NALCN: variants seen among roughly 807,000 people sequenced by gnomAD.
The protein encoded by NALCN is sodium leak channel NALCN.
NALCN carries 111 observed loss-of-function variants against 225.3 expected under a neutral mutation model. The ratio of observed to expected loss-of-function variants is 0.49; its 90% CI spans 0.42 to 0.58. The LOEUF (loss-of-function observed/expected upper bound fraction) is 0.58. NALCN is among the 20% of genes least tolerant of loss of function. The pLI, the probability that NALCN is intolerant of heterozygous loss-of-function variation, is 0.00. For missense variants in NALCN, 1,378 were observed against 2,202.4 expected (o/e 0.63, Z 7.49); for synonymous variants, 764 against 769.0 (o/e 0.99, Z 0.11).
intron 18 of NALCN, among the ~76,000 whole-genome samples, chr13:101,118,348 C>G (rs896245790): frequency 6.6e-6 from 1 of 152,086 alleles, no homozygotes; most frequent in Non-Finnish European, 1.5e-5. Context: ...TAACTAAAAA[C>G]AATCTATAAA....
chr13:101,361,031 C>A (rs555031680), intron 6 of NALCN, among the ~76,000 whole-genome samples: 2 of 152,256 alleles, frequency 1.3e-5, no homozygotes, highest in South Asian at 2.1e-4. Context: ...TCTAACCTGG[C>A]CAATTCTGAG....
rs984052440 is a variant in NALCN, at chr13:101,089,398, G to T, written c.3489+265C>A. ...TGCTGCCCATCTTTCTTTTCAATTT[G>T]AACAATAGGAGACGCGCCTCTCAGT... is the stretch of plus-strand genomic sequence containing the variant. On this transcript the variant is annotated intron_variant, in intron 30 of 43. Coordinates refer to ENST00000251127, the MANE Select transcript of NALCN (RefSeq NM_052867.4). The surrounding 1 kb of genome is among the most constrained non-coding windows in gnomAD (Gnocchi z 4.7). Among the ~76,000 whole-genome samples, 2 of 152,042 alleles carry T rather than the reference G, an allele frequency of 1.3e-5. No homozygotes were observed. Among genetic ancestry groups the T allele is most frequent in the Non-Finnish European group, 2.9e-5 (2 of 68,012 alleles).
chr13:101,305,647 CAAAGCTT>C (rs1244396929), intron 7 of NALCN, among the ~76,000 whole-genome samples: 1 of 152,184 alleles, frequency 6.6e-6, no homozygotes. Context: ...CCTTTTATCT[CAAAGCTT>C]TAATTTTAGG....
intron 13 of NALCN, among the ~76,000 whole-genome samples, chr13:101,193,518 A>AT (rs891705644): frequency 5.3e-5 from 8 of 152,138 alleles, no homozygotes; most frequent in African/African-American, 1.9e-4. Context: ...CAAAGTAATT[A>AT]TTTTTACCTT....
chr13:101,332,907 C>G (rs191685357), intron 7 of NALCN, among the ~76,000 whole-genome samples: 1 of 152,212 alleles, frequency 6.6e-6, no homozygotes, highest in African/African-American at 2.4e-5. Flanking sequence ...TGCCTGCATC[C>G]AGCACATGGC....
chr13:101,223,717 C>A (rs1018673615), intron 13 of NALCN, among the ~76,000 whole-genome samples: 5 of 152,138 alleles, frequency 3.3e-5, no homozygotes, highest in Admixed American at 1.3e-4. Context: ...TGCCTTTAGC[C>A]CTTCTAAAAA....
Position 101,192,060 on chromosome 13 carries a change from A to T in NALCN, c.1627-6T>A. ...TGGAACATGGACATAAATGCCTAAGAGGAAAAGAACAAAGGTATTACACAC... is the reference window on the plus strand; with the variant it reads ...TGGAACATGGACATAAATGCCTAAGTGGAAAAGAACAAAGGTATTACACAC... On this transcript the variant is annotated splice_region_variant and splice_polypyrimidine_tract_variant and intron_variant, in intron 13 of 43. Transcript: ENST00000251127. The T allele has an allele frequency of 6.3e-7, 1 of 1,593,992 alleles. No homozygotes were observed. Among genetic ancestry groups the T allele is most frequent in the Non-Finnish European group, 8.5e-7 (1 of 1,174,914 alleles).
intron 6 of NALCN, among the ~76,000 whole-genome samples, chr13:101,376,394 G>A (rs1412481700): frequency 1.3e-5 from 2 of 152,096 alleles, no homozygotes; most frequent in East Asian, 3.9e-4. Context: ...GTGCACGCCT[G>A]TAGTCCCAGC....
At chr13:101,324,393 T>C (rs925790692) in intron 7 of NALCN, among the ~76,000 whole-genome samples, 2 of 152,244 alleles carry the variant, frequency 1.3e-5, no homozygotes, top group Non-Finnish European at 2.9e-5. Flanking sequence ...TTTATCAGAT[T>C]ACACAATAAA....
intron 10 of NALCN, among the ~76,000 whole-genome samples, chr13:101,276,027 G>A (rs1274966507): frequency 7.8e-6 from 1 of 128,276 alleles, no homozygotes; most frequent in Non-Finnish European, 1.6e-5. Flanking sequence ...TCGCACCAAT[G>A]CACTCCAGCC....
At chr13:101,100,092 T>C (rs998791800) in intron 27 of NALCN, among the ~76,000 whole-genome samples, 5 of 152,082 alleles carry the variant, frequency 3.3e-5, no homozygotes, top group African/African-American at 4.8e-5. Flanking sequence ...GAGGTCCTTG[T>C]TGGTTGTCAT....
chr13:101,065,003 G>A (rs2032252576), intron 40 of NALCN, among the ~76,000 whole-genome samples: 1 of 152,200 alleles, frequency 6.6e-6, no homozygotes, highest in African/African-American at 2.4e-5. Context: ...CAAGTGAGGT[G>A]CTCTGCATGT....
At chr13:101,401,954 A>G (rs1007785115) in intron 1 of NALCN, among the ~76,000 whole-genome samples, 3 of 152,208 alleles carry the variant, frequency 2.0e-5, no homozygotes, top group Non-Finnish European at 4.4e-5. Context: ...GAGGTGGTTG[A>G]TTGTAATAAT....
chr13:101,192,504 A>G (rs545714550), intron 13 of NALCN, among the ~76,000 whole-genome samples: 154 of 152,246 alleles, frequency 1.0e-3, no homozygotes, highest in Non-Finnish European at 1.9e-3. Context: ...CCTTTCTATC[A>G]TATTATTTTA....
chr13:101,208,499 G>C (rs2040405901), intron 13 of NALCN, among the ~76,000 whole-genome samples: 3 of 152,200 alleles, frequency 2.0e-5, no homozygotes, highest in South Asian at 2.1e-4. Context: ...AACTTAACTT[G>C]TTTAATATGT....
At chr13:101,259,732 G>GTATATATATATA (rs35199456) in intron 10 of NALCN, among the ~76,000 whole-genome samples, 18,241 of 118,202 alleles carry the variant, frequency 0.15, 1,665 homozygotes, top group South Asian at 0.27. Flanking sequence ...CATAGTAAGT[G>GTATATATATATA]TATATATATA....
chr13:101,293,895 C>T (rs573627990), intron 7 of NALCN, among the ~76,000 whole-genome samples: 10 of 152,124 alleles, frequency 6.6e-5, no homozygotes, highest in Non-Finnish European at 1.3e-4. Context: ...ATATTTTGTA[C>T]ATTGGTACTG....
At chr13:101,366,269 A>C (rs1476923240) in intron 6 of NALCN, among the ~76,000 whole-genome samples, 1 of 152,168 alleles carries the variant, frequency 6.6e-6, no homozygotes, top group Admixed American at 6.6e-5. Flanking sequence ...TGAAGACATA[A>C]CTAAGATTTC....
intron 7 of NALCN, among the ~76,000 whole-genome samples, chr13:101,337,593 C>T (rs1368206365): frequency 6.6e-6 from 1 of 152,202 alleles, no homozygotes; most frequent in Non-Finnish European, 1.5e-5. Context: ...CAGGCTTGAG[C>T]CACCACGCCC....
Sources: allele counts gnomAD v4.1 joint callset (sites outside exome capture counted in the v4.1 genomes callset), GRCh38; gene constraint gnomAD v4.1.1; non-coding constraint Gnocchi (gnomAD v3.1); transcripts MANE v1.5; gene names NCBI Gene and HGNC (gene_info 2026-07-23, HGNC 2026-07-21).